Variants in SHROOM4 observed in about 807,000 individuals in gnomAD.
SHROOM4 encodes protein Shroom4.
Under a neutral mutation model 80.3 loss-of-function variants are expected in SHROOM4, and 17 were observed. The observed-to-expected ratio is 0.21, with a 90% CI of 0.14 to 0.32. SHROOM4 has a LOEUF of 0.32. SHROOM4 is among the 10% of genes least tolerant of loss of function. The probability of loss-of-function intolerance (pLI) is 1.00; values close to 1 mark genes in which losing one functional copy is unlikely to be tolerated. For missense variants in SHROOM4, 993 were observed against 1,140.3 expected, an observed-to-expected ratio of 0.87 and a Z score of 1.86; for synonymous variants, 400 against 437.5, an observed-to-expected ratio of 0.91 and a Z score of 1.07.
intron 2 of SHROOM4, 139 bp from the exon 3 acceptor site, chrX:50,638,447 C>A: frequency 1.4e-6 from 1 of 724,425 alleles, no homozygotes; most frequent in Admixed American, 3.0e-5. Flanking sequence ...ATCTTAGTGG[C>A]CCTCCTGAGC....
the SHROOM4 span, among the ~76,000 whole-genome samples, chrX:50,575,605 G>A: frequency 9.0e-6 from 1 of 111,027 alleles, no homozygotes; most frequent in East Asian, 2.8e-4. Flanking sequence ...AAATAGGAGT[G>A]GTGAGAATAG....
chrX:50,613,152 C>G (rs1482420870), intron 5 of SHROOM4, among the ~76,000 whole-genome samples: 5 of 111,755 alleles, frequency 4.5e-5, no homozygotes, highest in African/African-American at 1.6e-4. Flanking sequence ...CAGAGTCCAG[C>G]TCTGTCACCT....
chrX:50,725,456 T>C (rs1230580091), intron 1 of SHROOM4, among the ~76,000 whole-genome samples: 1 of 112,294 alleles, frequency 8.9e-6, no homozygotes, highest in South Asian at 3.8e-4. Context: ...CTCCCTCTGA[T>C]ATGGTTTGGC....
intron 1 of SHROOM4, among the ~76,000 whole-genome samples, chrX:50,813,260 C>G (rs1482772457): frequency 8.9e-6 from 1 of 111,763 alleles, no homozygotes; most frequent in Non-Finnish European, 1.9e-5. Flanking sequence ...CACTTCTCAA[C>G]GTGCAGGAAA....
intron 1 of SHROOM4, among the ~76,000 whole-genome samples, chrX:50,724,895 C>T (rs1234297629): frequency 1.8e-5 from 2 of 112,045 alleles, no homozygotes; most frequent in African/African-American, 6.5e-5. Flanking sequence ...TATAAGAAAT[C>T]GTTGCTGATA....
chrX:50,681,850 AATG>A (rs1932945773), intron 2 of SHROOM4, among the ~76,000 whole-genome samples: 1 of 111,943 alleles, frequency 8.9e-6, no homozygotes, highest in African/African-American at 3.2e-5. Flanking sequence ...TGAATGAATG[AATG>A]GTTCCCCTCT....
intron 7 of SHROOM4, among the ~76,000 whole-genome samples, chrX:50,600,407 G>A (rs782596944): frequency 9.0e-6 from 1 of 111,072 alleles, no homozygotes; most frequent in Non-Finnish European, 1.9e-5. Context: ...GAAAGTAGTG[G>A]TATTATATAC....
chrX:50,596,313 C>A lies in SHROOM4; in HGVS notation c.*382G>T, dbSNP rs1929107176. 2.8e-6 allele frequency: 1 copy of A among 353,217 alleles called. No individual in the cohort carries two copies. The highest frequency in any genetic ancestry group is 2.6e-5 in the South Asian group (1 of 38,676). 29.1% of individuals were successfully genotyped at this position (353,217 alleles called of 1,213,427 possible). On this transcript the variant is annotated 3_prime_UTR_variant, in exon 9 of 9. Transcript: ENST00000376020. ...GCAGAGTAGAGCTGCAAGGCAGATT[C>A]CCTCTGAGCCTTTAGAGGCTGTTGA...
chrX:50,622,027 G>GT (rs1737179098), intron 5 of SHROOM4, among the ~76,000 whole-genome samples: 1 of 111,955 alleles, frequency 8.9e-6, no homozygotes, highest in Non-Finnish European at 1.9e-5. Context: ...TAATCTCTTT[G>GT]TGAGTCAATT....
intron 2 of SHROOM4, among the ~76,000 whole-genome samples, chrX:50,644,153 C>A (rs181065629): frequency 2.5e-4 from 28 of 112,446 alleles, no homozygotes; most frequent in African/African-American, 9.0e-4. Context: ...GGGGTCTGCA[C>A]TTCCTGTGCG....
chrX:50,624,494 T>C (rs1557252680), intron 5 of SHROOM4, among the ~76,000 whole-genome samples: 1 of 111,617 alleles, frequency 9.0e-6, no homozygotes. Context: ...AAATACAACA[T>C]ATCCCAATTC....
chrX:50,652,697 G>A (rs1433659873), intron 2 of SHROOM4, among the ~76,000 whole-genome samples: 1 of 111,897 alleles, frequency 8.9e-6, no homozygotes, highest in East Asian at 2.8e-4. Flanking sequence ...GGGTTTTTAT[G>A]GTTTTAGGTC....
chrX:50,702,067 G>A (rs782208344), intron 1 of SHROOM4, among the ~76,000 whole-genome samples: 15 of 111,907 alleles, frequency 1.3e-4, no homozygotes, highest in Admixed American at 8.5e-4. Context: ...AATTGGCAAG[G>A]CTTGAACAAG....
chrX:50,684,321 AG>A (rs1201332049), intron 2 of SHROOM4, among the ~76,000 whole-genome samples: 1 of 111,308 alleles, frequency 9.0e-6, no homozygotes, highest in Non-Finnish European at 1.9e-5. Context: ...CTACAAGCCA[AG>A]GAATGCCTAG....
intron 1 of SHROOM4, among the ~76,000 whole-genome samples, chrX:50,739,077 G>A (rs1934578831): frequency 9.0e-6 from 1 of 111,560 alleles, no homozygotes. Flanking sequence ...ACAAGAAATG[G>A]GGAAATGATT....
chrX:50,781,600 G>C (rs1557270670), intron 1 of SHROOM4, among the ~76,000 whole-genome samples: 1 of 110,220 alleles, frequency 9.1e-6, no homozygotes, highest in East Asian at 2.9e-4. Context: ...AGGAATATGG[G>C]CTCCAAGCTA....
At chrX:50,751,842 AG>A (rs1389653799) in intron 1 of SHROOM4, among the ~76,000 whole-genome samples, 2 of 111,908 alleles carry the variant, frequency 1.8e-5, no homozygotes, top group African/African-American at 6.5e-5. Flanking sequence ...GACATTTCCA[AG>A]TTTGAACCCC....
intron 1 of SHROOM4, among the ~76,000 whole-genome samples, chrX:50,812,672 A>C (rs1156661134): frequency 9.0e-6 from 1 of 111,456 alleles, no homozygotes; most frequent in Non-Finnish European, 1.9e-5. Flanking sequence ...CGAATGCCGC[A>C]CAGGTTATTG....
chrX:50,633,339 A>T lies in SHROOM4; in HGVS notation c.2734T>A (p.Leu912Met). The change falls in exon 4 of 9, where the codon TTG becomes ATG. Residue 912 changes from leucine (L) to methionine (M), a missense_variant. By Grantham distance (15) the Leu-to-Met change is conservative. Coordinates refer to ENST00000376020, the MANE Select transcript of SHROOM4 (RefSeq NM_020717.5). The stretch of plus-strand genomic sequence containing the variant: ...TTTGGCATCATATTTCTCTTTAGCA[A>T]GGCAGGGCAGATTTCCCCAGAACAA... ...IYCSGEICPA[L>M]LKRNMMPNCY... is the part of the protein sequence containing the mutation. 8.3e-7 allele frequency: 1 copy of T among 1,211,664 alleles called. No individual in the cohort carries two copies. The highest frequency in any genetic ancestry group is 1.7e-5 in the African/African-American group (1 of 57,811).
Sources: allele counts gnomAD v4.1 joint callset (sites outside exome capture counted in the v4.1 genomes callset), GRCh38; gene constraint gnomAD v4.1.1; transcripts MANE v1.5; gene names NCBI Gene and HGNC (gene_info 2026-07-23, HGNC 2026-07-21).